The following SYT6 variants were observed in gnomAD, a reference collection of about 807,000 sequenced individuals.
SYT6 encodes the protein synaptotagmin-6.
SYT6 carries 24 observed loss-of-function variants against 38.4 expected under a neutral mutation model. The ratio of observed to expected loss-of-function variants is 0.62; its 90% CI spans 0.45 to 0.88. The LOEUF (loss-of-function observed/expected upper bound fraction) is 0.88. SYT6 is among the 40% of genes least tolerant of loss of function. The pLI is 0.00. For synonymous variants in SYT6, 265 were observed against 241.9 expected, an observed-to-expected ratio of 1.10 and a Z score of -0.89; for missense variants, 611 against 621.0, an observed-to-expected ratio of 0.98 and a Z score of 0.17.
At chr1:114,107,454 C>T (rs1048998927) in intron 3 of SYT6, among the ~76,000 whole-genome samples, 1 of 152,176 alleles carries the variant, frequency 6.6e-6, no homozygotes, top group African/African-American at 2.4e-5. Context: ...AGGACTGGCT[C>T]AAGATCCCAC....
At chr1:114,110,469 C>A (rs1033221161) in intron 3 of SYT6, among the ~76,000 whole-genome samples, 1 of 152,152 alleles carries the variant, frequency 6.6e-6, no homozygotes, top group Non-Finnish European at 1.5e-5. Flanking sequence ...GGAGAGCTCT[C>A]AGCAGAGGCT....
At chr1:114,108,659 T>C (rs949459125) in intron 3 of SYT6, among the ~76,000 whole-genome samples, 2 of 152,228 alleles carry the variant, frequency 1.3e-5, no homozygotes, top group Non-Finnish European at 2.9e-5. Context: ...CCTCAGGGAA[T>C]CTAGCAATTT....
intron 6 of SYT6, 36 bp from the exon 7 acceptor site, chr1:114,093,839 G>T: frequency 6.3e-7 from 1 of 1,599,636 alleles, no homozygotes; most frequent in Non-Finnish European, 8.6e-7. Context: ...ATGCCTGGTT[G>T]TTGAGGCCAC....
intron 3 of SYT6, among the ~76,000 whole-genome samples, chr1:114,108,209 T>C (rs1390713979): frequency 1.3e-5 from 2 of 152,184 alleles, no homozygotes; most frequent in African/African-American, 2.4e-5. Flanking sequence ...AGTAGCATTC[T>C]CCTTGGCTGC....
chr1:114,136,582 T>C (rs763579583), intron 3 of SYT6, among the ~76,000 whole-genome samples: 2 of 152,208 alleles, frequency 1.3e-5, no homozygotes, highest in Non-Finnish European at 2.9e-5. Flanking sequence ...CAGTTCTCTG[T>C]GCCAAACCTG....
chr1:114,121,798 T>G (rs891071117), intron 3 of SYT6, among the ~76,000 whole-genome samples: 1 of 152,200 alleles, frequency 6.6e-6, no homozygotes, highest in East Asian at 1.9e-4. Context: ...GAACACGTCT[T>G]TGGAAATTTA....
At chr1:114,110,787 C>T (rs973853662) in intron 3 of SYT6, among the ~76,000 whole-genome samples, 5 of 152,188 alleles carry the variant, frequency 3.3e-5, no homozygotes, top group Non-Finnish European at 4.4e-5. Flanking sequence ...TCCTCCCATC[C>T]TCGCTGCACT....
In SYT6 at chr1:114,103,662, C is replaced by A; in HGVS notation, c.1131G>T (p.Arg377Ser). 1 of 1,614,158 alleles carries A rather than the reference C, an allele frequency of 6.2e-7. No individual in the cohort carries two copies. The highest frequency in any genetic ancestry group is 8.5e-7 in the Non-Finnish European group (1 of 1,180,030). Residue 377 changes from arginine to serine, a missense_variant, in exon 4 of 8, where the codon AGG becomes AGT. Coordinates refer to ENST00000610222, the MANE Select transcript of SYT6 (RefSeq NM_001253772.2). ...FSLCYLPTAG[R>S]LTLTVIKCRN... ...GACACTTAATCACTGTGAGGGTGAG[C>A]CTGCCTGCAGTGGGCAGGTAGCAAA...
intron 3 of SYT6, among the ~76,000 whole-genome samples, chr1:114,109,810 A>C (rs1676563969): frequency 6.6e-6 from 1 of 152,238 alleles, no homozygotes; most frequent in Non-Finnish European, 1.5e-5. Flanking sequence ...CCCAGATTTC[A>C]AGCTAGGCTT....
At chr1:114,107,932 TGC>T (rs747552187) in intron 3 of SYT6, among the ~76,000 whole-genome samples, 1 of 152,240 alleles carries the variant, frequency 6.6e-6, no homozygotes, top group Non-Finnish European at 1.5e-5. Context: ...CAGGAGAGGC[TGC>T]CTTAGGGCCC....
At chr1:114,108,990 C>T (rs1676503648) in intron 3 of SYT6, among the ~76,000 whole-genome samples, 1 of 145,564 alleles carries the variant, frequency 6.9e-6, no homozygotes, top group African/African-American at 2.9e-5. Context: ...CTGTTAAGTT[C>T]CCCAGGGGTT....
chr1:114,136,858 C>T (rs1678510236), intron 3 of SYT6, among the ~76,000 whole-genome samples: 2 of 152,218 alleles, frequency 1.3e-5, no homozygotes, highest in Non-Finnish European at 2.9e-5. Context: ...TTTGCCCCTT[C>T]TCCCTTGATA....
rs746812002 is a variant in SYT6 at position 114,137,525 on chromosome 1, G to A, written c.1041C>T (p.Ser347=). Residue 347 remains serine (S), a synonymous_variant, in exon 3 of 8, where the codon TCC becomes TCT. Coordinates refer to ENST00000610222, the MANE Select transcript of SYT6 (RefSeq NM_001253772.2). ...TGGCATATTGGATATCCTTCCAGAT[G>A]GAGGTTTCCCGAGACAGGTCAGAGG... is the stretch of plus-strand genomic sequence containing the variant. The part of the protein sequence containing the change: ...FEASDLSRET[S]IWKDIQYATS... The A allele has an allele frequency of 1.1e-5, 18 of 1,613,856 alleles. No individual in the cohort carries two copies. The African/African-American group carries it at 2.0e-4, about 18-fold the overall frequency.
intron 1 of SYT6, among the ~76,000 whole-genome samples, chr1:114,140,396 T>A (rs576162466): frequency 6.6e-5 from 10 of 152,288 alleles, no homozygotes; most frequent in Non-Finnish European, 1.2e-4. Context: ...ATGGCCAGAC[T>A]TAGAGTCATT....
Position 114,103,659 on chromosome 1 carries a change from G to T in SYT6, c.1134C>A (p.Leu378=). 6.2e-7 allele frequency: 1 copy of T among 1,614,224 alleles called. No homozygotes were observed. Among genetic ancestry groups the T allele is most frequent in the Non-Finnish European group, 8.5e-7 (1 of 1,180,040 alleles). The change falls in exon 4 of 8, where the codon CTC becomes CTA. Residue 378 remains leucine (L), a synonymous_variant. Coordinates refer to ENST00000610222, the MANE Select transcript of SYT6 (RefSeq NM_001253772.2). The stretch of plus-strand genomic sequence containing the variant: ...TCCGACACTTAATCACTGTGAGGGT[G>T]AGCCTGCCTGCAGTGGGCAGGTAGC... ...SLCYLPTAGR[L]TLTVIKCRNL...
chr1:114,125,114 A>T (rs1235248203), intron 3 of SYT6, among the ~76,000 whole-genome samples: 1 of 152,240 alleles, frequency 6.6e-6, no homozygotes, highest in Non-Finnish European at 1.5e-5. Context: ...TGCATCAGAC[A>T]CAGGTTTTGT....
chr1:114,134,800 T>C (rs923776490), intron 3 of SYT6, among the ~76,000 whole-genome samples: 1 of 152,206 alleles, frequency 6.6e-6, no homozygotes, highest in Non-Finnish European at 1.5e-5. Flanking sequence ...ATGGGAGAGA[T>C]GGGAGCTGGC....
chr1:114,109,324 C>T (rs1676530201), intron 3 of SYT6, among the ~76,000 whole-genome samples: 2 of 152,226 alleles, frequency 1.3e-5, no homozygotes, highest in African/African-American at 2.4e-5. Context: ...TTATACCTCT[C>T]ATGTGTAGCC....
At chr1:114,120,397 C>T (rs1677316731) in intron 3 of SYT6, among the ~76,000 whole-genome samples, 1 of 152,174 alleles carries the variant, frequency 6.6e-6, no homozygotes, top group South Asian at 2.1e-4. Flanking sequence ...TGCTTCAAGT[C>T]AGTTGTGTGG....
Sources: gnomAD v4.1 joint callset for allele counts (sites outside exome capture counted in the v4.1 genomes callset) on GRCh38, gnomAD v4.1.1 for gene constraint, MANE v1.5 for transcripts, NCBI Gene and HGNC (gene_info 2026-07-23, HGNC 2026-07-21) for gene names.